Variants in CENPC observed in about 807,000 individuals in gnomAD.
CENPC encodes centromere protein C.
A neutral mutation model predicts 112.1 loss-of-function variants in CENPC; 63 were observed. That is an observed-to-expected ratio of 0.56 (90% CI 0.46 to 0.69). The LOEUF (loss-of-function observed/expected upper bound fraction) is 0.69. CENPC is among the 30% of genes least tolerant of loss of function. CENPC has a pLI of 0.00. For synonymous variants in CENPC, 333 were observed against 367.6 expected, an observed-to-expected ratio of 0.91 and a Z score of 1.08; for missense variants, 1,000 against 1,103.8, an observed-to-expected ratio of 0.91 and a Z score of 1.33.
Position 67,472,518 on chromosome 4 carries a change from G to T in CENPC, c.*87C>A. 1 of 1,274,254 alleles carries T rather than the reference G, an allele frequency of 7.8e-7. No homozygotes were observed. Among genetic ancestry groups the T allele is most frequent in the Non-Finnish European group, 1.0e-6 (1 of 997,492 alleles). 78.9% of individuals were successfully genotyped at this position (1,274,254 alleles called of 1,614,324 possible). ...AAATTTTTATTTTAAAACATCACAAGTAATTACAAAGACAAATATTCCAAC... is the reference window on the plus strand; with the variant it reads ...AAATTTTTATTTTAAAACATCACAATTAATTACAAAGACAAATATTCCAAC... On this transcript the variant is annotated 3_prime_UTR_variant, in exon 19 of 19. Transcript: ENST00000273853.
At chr4:67,493,863 T>C in intron 14 of CENPC, 21 bp downstream of exon 14, 5 of 1,526,300 alleles carry the variant, frequency 3.3e-6, no homozygotes, top group Non-Finnish European at 4.5e-6. Context: ...TGACAGATAT[T>C]ATAACATAAA....
intron 5 of CENPC, among the ~76,000 whole-genome samples, 196 bp from the exon 6 acceptor site, chr4:67,519,698 T>C (rs1169539040): frequency 6.6e-6 from 1 of 152,100 alleles, no homozygotes; most frequent in Non-Finnish European, 1.5e-5. Flanking sequence ...TAAAAATTGG[T>C]GACCTAGGGC....
intron 4 of CENPC, among the ~76,000 whole-genome samples, chr4:67,532,745 TG>T (rs1560442588): frequency 2.8e-5 from 3 of 108,206 alleles, no homozygotes; most frequent in Non-Finnish European, 3.8e-5. Context: ...CAGGGCCTGC[TG>T]GGGGGTAGGG....
rs1033258529 is a variant in CENPC, at chr4:67,505,254, T to C, written c.2082A>G (p.Leu694=). 3.2e-6 allele frequency: 5 copies of C among 1,578,378 alleles called. No individual in the cohort carries two copies. The highest frequency in any genetic ancestry group is 4.3e-6 in the Non-Finnish European group (5 of 1,162,652). The part of the protein sequence containing the change: ...SGPSRLNNNY[L]MSGKNDVDDE... Reference sequence around the variant, plus strand: ...CATCCACATCATTCTTTCCAGACATTAAATAATTATTATTGAGCCTGGAAG... The same window carrying C: ...CATCCACATCATTCTTTCCAGACATCAAATAATTATTATTGAGCCTGGAAG... Residue 694 remains leucine (L), a synonymous_variant, in exon 12 of 19, where the codon TTA becomes TTG. Coordinates refer to ENST00000273853, the MANE Select transcript of CENPC (RefSeq NM_001812.4).
At chr4:67,502,399 AAAGAAAC>A (rs1160758155) in intron 12 of CENPC, among the ~76,000 whole-genome samples, 1 of 21,340 alleles carries the variant, frequency 4.7e-5, no homozygotes, top group African/African-American at 1.8e-4. Context: ...ATAAAAAGAT[AAAGAAAC>A]AACAACCAAC....
intron 5 of CENPC, among the ~76,000 whole-genome samples, chr4:67,528,296 A>G (rs1398536835): frequency 6.6e-6 from 1 of 152,204 alleles, no homozygotes; most frequent in African/African-American, 2.4e-5. Flanking sequence ...GGGAGCCAGG[A>G]GACAGGCTTT....
rs58687245 is a variant in CENPC at position 67,491,446 on chromosome 4, C to CATAT, written c.2515+730_2515+733dup. 8.8e-3 allele frequency among the ~76,000 whole-genome samples: 322 copies of CATAT among 36,558 alleles called. 24 individuals carry two copies. The highest frequency in any genetic ancestry group is 0.019 in the Middle Eastern group (1 of 52). 24.0% of individuals were successfully genotyped at this position (36,558 alleles called of 152,430 possible). A position where few individuals can be genotyped will look rare whatever the true frequency, so the allele number is the denominator to read the frequency against. ...CAGTTGTTAATATATTTAAATATTT[C>CATAT]ATATATATATATATATATATATATA... On this transcript the variant is annotated intron_variant, in intron 16 of 18. Transcript: ENST00000273853.
chr4:67,545,267 C>A, intron 1 of CENPC, 71 bp downstream of exon 1: 1 of 1,419,324 alleles, frequency 7.0e-7, no homozygotes. Context: ...ATTTCCTTCT[C>A]CCCAGCCTCG....
chr4:67,535,984 T>C (rs1040659452), intron 4 of CENPC, among the ~76,000 whole-genome samples: 9 of 152,200 alleles, frequency 5.9e-5, no homozygotes, highest in African/African-American at 1.7e-4. Context: ...AACTTCCATG[T>C]ACATAATGCC....
intron 5 of CENPC, among the ~76,000 whole-genome samples, 159 bp from the exon 6 acceptor site, chr4:67,519,661 G>C (rs1050528521): frequency 6.6e-6 from 1 of 151,978 alleles, no homozygotes; most frequent in African/African-American, 2.4e-5. Flanking sequence ...AAATAAGTAA[G>C]TACTTAAGAT....
intron 5 of CENPC, among the ~76,000 whole-genome samples, chr4:67,523,485 C>T (rs960947710): frequency 4.6e-5 from 7 of 152,084 alleles, no homozygotes; most frequent in East Asian, 1.9e-4. Context: ...GAATGGTGAA[C>T]GCCCAGTTTC....
At position 67,472,425 on chromosome 4, in the gene CENPC, C is replaced by T; in HGVS notation, c.*180G>A. On this transcript the variant is annotated 3_prime_UTR_variant, in exon 19 of 19. Transcript: ENST00000273853. ...CGCTACAAGCTATTATGTACAGTCA[C>T]TGAAAAATCAGAAAAAACATGTGAG... The T allele has an allele frequency of 1.3e-6, 1 of 778,010 alleles. No individual in the cohort carries two copies. The highest frequency in any genetic ancestry group is 1.7e-6 in the Non-Finnish European group (1 of 587,394). 48.2% of individuals were successfully genotyped at this position (778,010 alleles called of 1,614,324 possible). A position where few individuals can be genotyped will look rare whatever the true frequency, so the allele number is the denominator to read the frequency against.
chr4:67,493,262 T>C (rs1725333915), intron 14 of CENPC: 1 of 205,562 alleles, frequency 4.9e-6, no homozygotes, highest in African/African-American at 2.3e-5. Flanking sequence ...GTGGAGGCTT[T>C]TAAAAAAAAA....
intron 6 of CENPC, 70 bp downstream of exon 6, chr4:67,519,147 G>C: frequency 8.9e-7 from 1 of 1,127,964 alleles, no homozygotes; most frequent in South Asian, 1.8e-5. Context: ...TAACAAGATT[G>C]AATTACCATT....
chr4:67,508,680 G>A, intron 10 of CENPC, 134 bp downstream of exon 10: 3 of 762,660 alleles, frequency 3.9e-6, no homozygotes, highest in Non-Finnish European at 6.2e-6. Context: ...GGTAGAGGCT[G>A]GATTTAATAC....
At chr4:67,527,133 T>C (rs374054938) in intron 5 of CENPC, among the ~76,000 whole-genome samples, 2 of 152,034 alleles carry the variant, frequency 1.3e-5, no homozygotes, top group South Asian at 2.1e-4. Context: ...GCTACAACAG[T>C]GCTGAGGGGG....
At position 67,470,887 on chromosome 4, in the gene CENPC, A is replaced by T. The variant is rs1428371111; in HGVS notation, c.*1718T>A. On this transcript the variant is annotated 3_prime_UTR_variant, in exon 19 of 19. Coordinates refer to ENST00000273853, the MANE Select transcript of CENPC (RefSeq NM_001812.4). ...AAGGTTACAGTCCTAGTTCTTGAAGAGCAACAGAGCAGCCAGACATTTAAC... is the reference window on the plus strand; with the variant it reads ...AAGGTTACAGTCCTAGTTCTTGAAGTGCAACAGAGCAGCCAGACATTTAAC... 2 of 152,288 alleles carry T rather than the reference A, an allele frequency of 1.3e-5. No homozygotes were observed. The highest frequency in any genetic ancestry group is 2.9e-5 in the Non-Finnish European group (2 of 68,070). 9.4% of individuals were successfully genotyped at this position (152,288 alleles called of 1,614,324 possible). A position where few individuals can be genotyped will look rare whatever the true frequency, so the allele number is the denominator to read the frequency against.
chr4:67,506,220 A>G (rs991767322), intron 11 of CENPC, among the ~76,000 whole-genome samples: 2 of 152,222 alleles, frequency 1.3e-5, no homozygotes, highest in Non-Finnish European at 2.9e-5. Context: ...TTTTAACATT[A>G]TATGTCCAAA....
At chr4:67,532,322 T>C (rs1265342255) in intron 4 of CENPC, among the ~76,000 whole-genome samples, 1 of 152,138 alleles carries the variant, frequency 6.6e-6, no homozygotes, top group Non-Finnish European at 1.5e-5. Context: ...GTTCAACCAT[T>C]GTGGAAGACA....
Sources: allele counts gnomAD v4.1 joint callset (sites outside exome capture counted in the v4.1 genomes callset), GRCh38; gene constraint gnomAD v4.1.1; transcripts MANE v1.5; gene names NCBI Gene and HGNC (gene_info 2026-07-23, HGNC 2026-07-21).